MELTF: variants seen among roughly 807,000 people sequenced by gnomAD.
The protein encoded by MELTF is melanotransferrin.
MELTF carries 67 observed loss-of-function variants against 83.7 expected under a neutral mutation model. That is an observed-to-expected ratio of 0.80 (90% CI 0.66 to 0.98). The LOEUF (loss-of-function observed/expected upper bound fraction) is 0.98. MELTF is among the 50% of genes least tolerant of loss of function. The pLI, the probability that MELTF is intolerant of heterozygous loss-of-function variation, is 0.00. For missense variants in MELTF, 1,002 were observed against 1,035.6 expected (o/e 0.97, Z 0.44); for synonymous variants, 462 against 447.6 (o/e 1.03, Z -0.41).
chr3:197,027,381 CT>C (rs1393341382), intron 2 of MELTF, among the ~76,000 whole-genome samples: 1 of 152,264 alleles, frequency 6.6e-6, no homozygotes, highest in African/African-American at 2.4e-5. Flanking sequence ...AGTCCAGCCC[CT>C]GCTCCTCCTT....
intron 6 of MELTF, chr3:197,019,789 C>A: frequency 1.3e-6 from 2 of 1,573,044 alleles, no homozygotes; most frequent in Non-Finnish European, 1.7e-6. Flanking sequence ...TGTTTGCCTT[C>A]GTGATGGACT....
Position 197,003,516 on chromosome 3 carries a change from C to G in MELTF, c.2138-65G>C. ...CCGCGGTGGCCGCCTCAGGCGCCCG[C>G]TCTGGGGTGGGGGTGGGGGCATCTT... is the stretch of plus-strand genomic sequence containing the variant. On this transcript the variant is annotated intron_variant, in intron 15 of 15. Transcript: ENST00000296350. This position sits in a 1 kb window ranked among gnomAD's most constrained non-coding sequence, Gnocchi z 6.2. The G allele has an allele frequency of 7.2e-6, 1 of 138,042 alleles. No individual in the cohort carries two copies. Among genetic ancestry groups the G allele is most frequent in the African/African-American group, 4.1e-5 (1 of 24,514 alleles). 8.6% of individuals were successfully genotyped at this position (138,042 alleles called of 1,614,324 possible).
In MELTF at chr3:197,024,068, C is replaced by G. The variant is rs965614146; in HGVS notation, c.487+235G>C. Among the ~76,000 whole-genome samples the G allele has an allele frequency of 6.6e-6, 1 of 150,938 alleles. No homozygotes were observed. Among genetic ancestry groups the G allele is most frequent in the East Asian group, 2.0e-4 (1 of 5,036 alleles). On this transcript the variant is annotated intron_variant, in intron 4 of 15. Coordinates refer to ENST00000296350, the MANE Select transcript of MELTF (RefSeq NM_005929.6). This position sits in a 1 kb window ranked among gnomAD's most constrained non-coding sequence, Gnocchi z 5.3. ...CCTGGCTGTGCCATGTGGGACACCA[C>G]GATGCGTGAGCAAGAATCGCGCCCC...
In MELTF at chr3:197,006,084, G is replaced by A. The variant is rs575418259; in HGVS notation, c.1938+465C>T. ...AAAATAGAAAAAATTAGCCAGGCATGGTGGCGGGTGCCTGTAGTCCCAGCT... is the reference window on the plus strand; with the variant it reads ...AAAATAGAAAAAATTAGCCAGGCATAGTGGCGGGTGCCTGTAGTCCCAGCT... On this transcript the variant is annotated intron_variant, in intron 14 of 15. Coordinates refer to ENST00000296350, the MANE Select transcript of MELTF (RefSeq NM_005929.6). This position sits in a 1 kb window ranked among gnomAD's most constrained non-coding sequence, Gnocchi z 5.4. 1.3e-5 allele frequency among the ~76,000 whole-genome samples: 2 copies of A among 152,300 alleles called. No individual in the cohort carries two copies. Among genetic ancestry groups the A allele is most frequent in the South Asian group, 2.1e-4 (1 of 4,818 alleles).
rs994919883 is a variant in MELTF at position 197,024,135 on chromosome 3, G to A, written c.487+168C>T. Among the ~76,000 whole-genome samples the A allele has an allele frequency of 4.0e-5, 6 of 151,606 alleles. No individual in the cohort carries two copies. The highest frequency in any genetic ancestry group is 1.2e-4 in the African/African-American group (5 of 41,218). Reference sequence around the variant, plus strand: ...CAGGAAGTCAAGCGGCGGCGCCGGCGGCAGAGTGGAGGCGGGGGAGGCACG... The same window carrying A: ...CAGGAAGTCAAGCGGCGGCGCCGGCAGCAGAGTGGAGGCGGGGGAGGCACG... On this transcript the variant is annotated intron_variant, in intron 4 of 15. Transcript: ENST00000296350. This position sits in a 1 kb window ranked among gnomAD's most constrained non-coding sequence, Gnocchi z 5.3.
chr3:197,015,459 C>T lies in MELTF; in HGVS notation c.1139G>A (p.Gly380Glu), dbSNP rs755354990. The T allele has an allele frequency of 3.7e-6, 6 of 1,610,530 alleles. No homozygotes were observed. Among genetic ancestry groups the T allele is most frequent in the Admixed American group, 3.4e-5 (2 of 59,652 alleles). Residue 380 changes from glycine to glutamate, a missense_variant, in exon 9 of 16, where the codon GGA (glycine) becomes GAA (glutamate). Gly to Glu is a moderately conservative substitution (Grantham distance 98). Transcript: ENST00000296350. ...VLSTPEIQKCGDMAVAFRRQR... is the reference protein window; with the variant it reads ...VLSTPEIQKCEDMAVAFRRQR... Reference sequence around the variant, plus strand: ...CCGGCGGAAGGCCACGGCCATGTCTCCACACTTCTGGATCTCGGGAGTGGA... The same window carrying T: ...CCGGCGGAAGGCCACGGCCATGTCTTCACACTTCTGGATCTCGGGAGTGGA...
intron 14 of MELTF, 148 bp from the exon 15 acceptor site, chr3:197,004,247 G>C: frequency 1.3e-6 from 1 of 770,440 alleles, no homozygotes. Context: ...GAAGTCATAA[G>C]CTTGACAACT....
intron 14 of MELTF, chr3:197,004,882 C>T (rs573638914): frequency 6.6e-6 from 1 of 152,274 alleles, no homozygotes; most frequent in Non-Finnish European, 1.5e-5. Flanking sequence ...GAAAAATGCA[C>T]ATCCACCCAG....
At chr3:197,014,970 C>T (rs1311400505) in intron 9 of MELTF, among the ~76,000 whole-genome samples, 2 of 152,218 alleles carry the variant, frequency 1.3e-5, no homozygotes, top group East Asian at 1.9e-4. Flanking sequence ...CAATGATCCA[C>T]GCCCACTCTC....
In MELTF at chr3:197,006,844, A is replaced by G. The variant is rs909943161; in HGVS notation, c.1751-108T>C. The G allele has an allele frequency of 1.8e-5, 19 of 1,047,288 alleles. No homozygotes were observed. In the Admixed American group the frequency reaches 3.9e-4, roughly 21 times the overall value. 64.9% of individuals were successfully genotyped at this position (1,047,288 alleles called of 1,614,324 possible). On this transcript the variant is annotated intron_variant, in intron 13 of 15. Coordinates refer to ENST00000296350, the MANE Select transcript of MELTF (RefSeq NM_005929.6). The surrounding 1 kb of genome is among the most constrained non-coding windows in gnomAD (Gnocchi z 5.4). ...AGGCCTTCACCACAGGGAGGTGGCAACATCTGGCCAGCTCCCCAACCCTCT... is the reference window on the plus strand; with the variant it reads ...AGGCCTTCACCACAGGGAGGTGGCAGCATCTGGCCAGCTCCCCAACCCTCT...
rs373075259 is a variant in MELTF at position 197,008,658 on chromosome 3, G to A, written c.1749C>T (p.Asn583=). The change falls in exon 13 of 16, where the codon AAC becomes AAT. Residue 583 remains asparagine (N), a splice_region_variant and synonymous_variant. Coordinates refer to ENST00000296350, the MANE Select transcript of MELTF (RefSeq NM_005929.6). This position sits in a 1 kb window ranked among gnomAD's most constrained non-coding sequence, Gnocchi z 5.4. The part of the protein sequence containing the change: ...VRHTTVFDNT[N]GHNSEPWAAE... Reference sequence around the variant, plus strand: ...GGCCCTGCTCTTGCCCCCACCTACCGTTTGTGTTGTCAAAGACGGTTGTGT... The same window carrying A: ...GGCCCTGCTCTTGCCCCCACCTACCATTTGTGTTGTCAAAGACGGTTGTGT... 71 of 1,613,726 alleles carry A rather than the reference G, an allele frequency of 4.4e-5. No individual in the cohort carries two copies. In the South Asian group the frequency reaches 5.6e-4, roughly 13 times the overall value.
At position 197,006,527 on chromosome 3, in the gene MELTF, A is replaced by C. The variant is rs1366784995; in HGVS notation, c.1938+22T>G. The C allele has an allele frequency of 6.2e-7, 1 of 1,605,530 alleles. No individual in the cohort carries two copies. The highest frequency in any genetic ancestry group is 1.3e-5 in the African/African-American group (1 of 74,660). On this transcript the variant is annotated intron_variant, in intron 14 of 15. Transcript: ENST00000296350. The surrounding 1 kb of genome is among the most constrained non-coding windows in gnomAD (Gnocchi z 5.4). ...TACCTCTGCTGCACACCCCTCAATGAGGTAGCCCCACCCTGGCTCACCTGG... is the reference window on the plus strand; with the variant it reads ...TACCTCTGCTGCACACCCCTCAATGCGGTAGCCCCACCCTGGCTCACCTGG...
In MELTF at chr3:197,003,671, T is replaced by C; in HGVS notation, c.2138-220A>G. On this transcript the variant is annotated intron_variant, in intron 15 of 15. Transcript: ENST00000296350. This position sits in a 1 kb window ranked among gnomAD's most constrained non-coding sequence, Gnocchi z 6.2. Reference sequence around the variant, plus strand: ...GCCCCAGATCCTCCCCGCGCCGCCGTTTTGAGCGTTCACACTCATTACCCA... The same window carrying C: ...GCCCCAGATCCTCCCCGCGCCGCCGCTTTGAGCGTTCACACTCATTACCCA... The C allele has an allele frequency of 1.5e-6, 1 of 657,114 alleles. No individual in the cohort carries two copies. Among genetic ancestry groups the C allele is most frequent in the Non-Finnish European group, 2.5e-6 (1 of 394,956 alleles). 40.7% of individuals were successfully genotyped at this position (657,114 alleles called of 1,614,324 possible). A position where few individuals can be genotyped will look rare whatever the true frequency, so the allele number is the denominator to read the frequency against.
chr3:197,019,737 G>C, intron 6 of MELTF: 1 of 1,611,522 alleles, frequency 6.2e-7, no homozygotes, highest in Non-Finnish European at 8.5e-7. Flanking sequence ...GTGCTTCCTC[G>C]TGTGCAGGGC....
intron 9 of MELTF, among the ~76,000 whole-genome samples, chr3:197,013,929 G>A (rs1240991593): frequency 6.6e-6 from 1 of 152,248 alleles, no homozygotes; most frequent in Admixed American, 6.5e-5. Context: ...AGCCGCTATG[G>A]AAAACAGTAC....
chr3:197,023,802 C>T (rs764366247), intron 4 of MELTF: 12 of 455,364 alleles, frequency 2.6e-5, no homozygotes, highest in East Asian at 6.9e-5. Flanking sequence ...CACACCTGGC[C>T]ACCAGCTGAG....
At chr3:197,018,394 A>G (rs367747389) in intron 6 of MELTF, among the ~76,000 whole-genome samples, 1 of 151,474 alleles carries the variant, frequency 6.6e-6, no homozygotes, top group South Asian at 2.1e-4. Context: ...CTCGTGATCC[A>G]CCCACCTCGG....
In MELTF at chr3:197,024,336, G is replaced by A. The variant is rs202082579; in HGVS notation, c.454C>T (p.Arg152Cys). The change falls in exon 4 of 16, where the codon CGC (arginine) becomes TGC (cysteine). Residue 152 changes from arginine to cysteine, a missense_variant. Physicochemically the swap from Arg to Cys is radical, Grantham distance 180. Coordinates refer to ENST00000296350, the MANE Select transcript of MELTF (RefSeq NM_005929.6). The surrounding 1 kb of genome is among the most constrained non-coding windows in gnomAD (Gnocchi z 5.3). ...VPVGYLVESGRLSVMGCDVLK... is the reference protein window; with the variant it reads ...VPVGYLVESGCLSVMGCDVLK... ...ACATCGCAGCCCATCACCGAGAGGC[G>A]GCCGCTCTCCACCAGGTAGCCCACG... The A allele has an allele frequency of 1.3e-5, 21 of 1,589,060 alleles. No individual in the cohort carries two copies. Among genetic ancestry groups the A allele is most frequent in the African/African-American group, 6.7e-5 (5 of 74,382 alleles).
chr3:197,016,163 G>C (rs1719362868), intron 8 of MELTF, 26 bp downstream of exon 8: 3 of 1,480,184 alleles, frequency 2.0e-6, no homozygotes, highest in Admixed American at 4.4e-5. Flanking sequence ...GCTGGAGCTG[G>C]CAGCAGTGGG....
Sources: gnomAD v4.1 joint callset for allele counts (sites outside exome capture counted in the v4.1 genomes callset) on GRCh38, gnomAD v4.1.1 for gene constraint, Gnocchi (gnomAD v3.1) non-coding constraint, MANE v1.5 for transcripts, NCBI Gene and HGNC (gene_info 2026-07-23, HGNC 2026-07-21) for gene names.